The following ZNF469 variants were observed in gnomAD, a reference collection of about 807,000 sequenced individuals.
ZNF469 encodes the protein zinc finger protein 469.
ZNF469 carries 1 observed loss-of-function variant against 1.0 expected under a neutral mutation model. The observed-to-expected ratio is 1.00, with a 90% CI of 0.35 to 4.73. ZNF469 has a LOEUF of 4.73. Ranked by LOEUF, ZNF469 falls within the 30% of genes most tolerant of loss-of-function variation. The probability of loss-of-function intolerance (pLI) is 0.16; values close to 1 mark genes in which losing one functional copy is unlikely to be tolerated. For missense variants in ZNF469, 6,100 were observed against 5,356.3 expected (o/e 1.14, Z -4.33); for synonymous variants, 2,703 against 2,363.4 (o/e 1.14, Z -4.17).
At chr16:88,173,998 A>T in the ZNF469 span, among the ~76,000 whole-genome samples, 2 of 152,194 alleles carry the variant, frequency 1.3e-5, no homozygotes, top group Non-Finnish European at 2.9e-5. Context: ...ATCAAACATA[A>T]TCAATAATTA....
At chr16:88,300,959 G>T in the ZNF469 span, among the ~76,000 whole-genome samples, 1 of 151,996 alleles carries the variant, frequency 6.6e-6, no homozygotes, top group African/African-American at 2.4e-5. Context: ...CAGCTACTCG[G>T]GAGGCTGAGG....
chr16:88,349,441 C>T, the ZNF469 span, among the ~76,000 whole-genome samples: 1 of 150,284 alleles, frequency 6.7e-6, no homozygotes, highest in Admixed American at 6.6e-5. Flanking sequence ...ACACCAGGCA[C>T]AATACACACA....
rs1287623831 is a variant in ZNF469, at chr16:88,433,673, T to C, written c.6203T>C (p.Leu2068Pro). 2.6e-6 allele frequency: 4 copies of C among 1,549,574 alleles called. No individual in the cohort carries two copies. The highest frequency in any genetic ancestry group is 3.5e-6 in the Non-Finnish European group (4 of 1,146,680). The change falls in exon 3 of 3, where the codon CTG becomes CCG. Residue 2068 changes from leucine to proline, a missense_variant. By Grantham distance (98) the Leu-to-Pro change is moderately conservative. Coordinates refer to ENST00000565624, the MANE Select transcript of ZNF469 (RefSeq NM_001367624.2). ...TCCCCTAATAGGGAGTCCCTGGCGCTGGCCTTGACAGCAGCCCACAGCCGA... is the reference window on the plus strand; with the variant it reads ...TCCCCTAATAGGGAGTCCCTGGCGCCGGCCTTGACAGCAGCCCACAGCCGA... ...PPSPNRESLA[L>P]ALTAAHSRSG...
At chr16:88,263,155 G>T in the ZNF469 span, among the ~76,000 whole-genome samples, 1 of 152,210 alleles carries the variant, frequency 6.6e-6, no homozygotes, top group Non-Finnish European at 1.5e-5. Context: ...GCACTGGTCT[G>T]TCCAACCCCG....
At chr16:88,311,878 G>A in the ZNF469 span, among the ~76,000 whole-genome samples, 1 of 152,208 alleles carries the variant, frequency 6.6e-6, no homozygotes, top group African/African-American at 2.4e-5. Context: ...GATTGATTGT[G>A]GAACACCTGA....
At chr16:88,263,596 T>C in the ZNF469 span, among the ~76,000 whole-genome samples, 4 of 151,088 alleles carry the variant, frequency 2.6e-5, no homozygotes, top group East Asian at 2.0e-4. Flanking sequence ...CTGAGGAGGG[T>C]GGATTGGGAC....
the ZNF469 span, among the ~76,000 whole-genome samples, chr16:88,184,602 AG>A: frequency 6.6e-6 from 1 of 151,632 alleles, no homozygotes; most frequent in African/African-American, 2.4e-5. Flanking sequence ...TTCCCGTTTC[AG>A]GGGGGAAGCT....
chr16:88,167,121 G>A, the ZNF469 span, among the ~76,000 whole-genome samples: 223 of 147,616 alleles, frequency 1.5e-3, no homozygotes, highest in African/African-American at 5.2e-3. Flanking sequence ...GAGTGCAGTG[G>A]TGTGATCTTG....
chr16:88,436,973 C>T lies in ZNF469; in HGVS notation c.9503C>T (p.Ala3168Val), dbSNP rs1485800441. The T allele has an allele frequency of 1.7e-5, 26 of 1,509,152 alleles. No individual in the cohort carries two copies. In the East Asian group the frequency reaches 3.0e-4, roughly 17 times the overall value. The allele number at this position is 1,509,152 out of a possible 1,614,324, so 93.5% of individuals were successfully genotyped here. Reference sequence around the variant, plus strand: ...CGGGGGCACCTGCAGGAGAGGCACGCGCAGAGCAAGGCCGGGCCCTGGGCG... The same window carrying T: ...CGGGGGCACCTGCAGGAGAGGCACGTGCAGAGCAAGGCCGGGCCCTGGGCG... Reference protein sequence around the residue: ...LLRGHLQERHAQSKAGPWACG... With the variant: ...LLRGHLQERHVQSKAGPWACG... The change falls in exon 3 of 3, where the codon GCG becomes GTG. Residue 3168 changes from alanine to valine, a missense_variant. Transcript: ENST00000565624.
chr16:88,196,627 C>G, the ZNF469 span, among the ~76,000 whole-genome samples: 943 of 152,296 alleles, frequency 6.2e-3, 13 homozygotes, highest in African/African-American at 0.022. Context: ...AATAAGGGAA[C>G]AGGGCCTACA....
At chr16:88,243,911 C>CATATACATATATATATATATATATAT in the ZNF469 span, among the ~76,000 whole-genome samples, 1 of 26,274 alleles carries the variant, frequency 3.8e-5, no homozygotes, top group Admixed American at 7.9e-4. Flanking sequence ...TGGCTGGATG[C>CATATACATATATATATATATATATAT]ATATATATAT....
intron 1 of ZNF469, among the ~76,000 whole-genome samples, chr16:88,395,997 G>T (rs1904647601): frequency 6.6e-6 from 1 of 152,216 alleles, no homozygotes. Flanking sequence ...ATGTGCTCAG[G>T]CTTCCTACAG....
chr16:88,152,866 A>T, the ZNF469 span, among the ~76,000 whole-genome samples: 1 of 151,936 alleles, frequency 6.6e-6, no homozygotes, highest in South Asian at 2.1e-4. The surrounding 1 kb of genome is among the most constrained non-coding windows in gnomAD (Gnocchi z 4.2). Context: ...GACTTAAACC[A>T]TTTGCGTTTT....
At chr16:88,269,645 C>T in the ZNF469 span, among the ~76,000 whole-genome samples, 271 of 152,162 alleles carry the variant, frequency 1.8e-3, no homozygotes, top group Non-Finnish European at 3.1e-3. Flanking sequence ...CCATCCTTAC[C>T]GGGACGCTTG....
the ZNF469 span, among the ~76,000 whole-genome samples, chr16:88,320,178 G>A: frequency 0.021 from 3,195 of 152,344 alleles, 68 homozygotes; most frequent in South Asian, 0.11. Context: ...TGCCTTGCAC[G>A]TGTTTACTAA....
chr16:88,257,685 T>C, the ZNF469 span, among the ~76,000 whole-genome samples: 1 of 152,186 alleles, frequency 6.6e-6, no homozygotes, highest in Non-Finnish European at 1.5e-5. Context: ...GTTATTTCTT[T>C]GTGAAGGTCC....
the ZNF469 span, among the ~76,000 whole-genome samples, chr16:88,215,385 T>TTTTA: frequency 7.9e-6 from 1 of 126,116 alleles, no homozygotes; most frequent in Non-Finnish European, 1.6e-5. Flanking sequence ...GCCTTTTAAT[T>TTTTA]TTTTTTTTTT....
chr16:88,297,534 A>G, the ZNF469 span, among the ~76,000 whole-genome samples: 2 of 152,276 alleles, frequency 1.3e-5, no homozygotes, highest in East Asian at 1.9e-4. Flanking sequence ...GCACACGGCA[A>G]GTGGGAAACG....
At chr16:88,319,591 C>T in the ZNF469 span, among the ~76,000 whole-genome samples, 1 of 152,118 alleles carries the variant, frequency 6.6e-6, no homozygotes, top group Non-Finnish European at 1.5e-5. Context: ...GGCTGCCCTC[C>T]TAGGGCCTCA....
Sources: gnomAD v4.1 joint callset for allele counts (sites outside exome capture counted in the v4.1 genomes callset) on GRCh38, gnomAD v4.1.1 for gene constraint, Gnocchi (gnomAD v3.1) non-coding constraint, MANE v1.5 for transcripts, NCBI Gene and HGNC (gene_info 2026-07-23, HGNC 2026-07-21) for gene names.